Variants in APBA1 observed in about 807,000 individuals in gnomAD.
APBA1 encodes the protein amyloid-beta A4 precursor protein-binding family A member 1.
APBA1 carries 55 observed loss-of-function variants against 86.6 expected under a neutral mutation model. The observed-to-expected ratio is 0.64, with a 90% CI of 0.51 to 0.80. The LOEUF (loss-of-function observed/expected upper bound fraction) is 0.80, where lower values mean the gene tolerates loss of function less well. Ranked by LOEUF, APBA1 falls within the 30% of genes least tolerant of loss-of-function variation. APBA1 has a pLI of 0.00. For missense variants in APBA1, 1,090 were observed against 1,183.0 expected (o/e 0.92, Z 1.15); for synonymous variants, 511 against 493.9 (o/e 1.03, Z -0.46).
At chr9:69,454,200 T>A (rs1016636815) in intron 8 of APBA1, among the ~76,000 whole-genome samples, 10 of 152,222 alleles carry the variant, frequency 6.6e-5, no homozygotes, top group African/African-American at 2.4e-4. Context: ...ATACTTAACT[T>A]TTCTCACTGT....
chr9:69,570,995 C>T (rs1316791730), intron 1 of APBA1, among the ~76,000 whole-genome samples: 1 of 152,162 alleles, frequency 6.6e-6, no homozygotes, highest in African/African-American at 2.4e-5. Context: ...CAAAGTAATT[C>T]TCCCACTCTC....
intron 2 of APBA1, among the ~76,000 whole-genome samples, chr9:69,511,934 T>G (rs889489318): frequency 5.6e-4 from 73 of 130,164 alleles, no homozygotes; most frequent in East Asian, 3.0e-3. Context: ...GGGGTGGGGG[T>G]AGGGGGGAGG....
chr9:69,661,945 A>G (rs1823759782), intron 1 of APBA1, among the ~76,000 whole-genome samples: 1 of 151,926 alleles, frequency 6.6e-6, no homozygotes, highest in East Asian at 1.9e-4. Flanking sequence ...TGAGCCAAAT[A>G]AACTTCTTTT....
Position 69,456,392 on chromosome 9 carries a change from A to T in APBA1, c.1643T>A (p.Ile548Asn). Reference sequence around the variant, plus strand: ...CACAACGATGTTCCCAATGTCCGCAATGTAGGAAATGGTCCTCAGAGGGTG... The same window carrying T: ...CACAACGATGTTCCCAATGTCCGCATTGTAGGAAATGGTCCTCAGAGGGTG... ...MDHPLRTISY[I>N]ADIGNIVVLM... is the part of the protein sequence containing the mutation. Residue 548 changes from isoleucine to asparagine, a missense_variant, in exon 8 of 13, where the codon ATT becomes AAT. By Grantham distance (149) the Ile-to-Asn change is moderately radical. Transcript: ENST00000265381. 1.2e-6 allele frequency: 2 copies of T among 1,611,556 alleles called. No homozygotes were observed. Among genetic ancestry groups the T allele is most frequent in the Non-Finnish European group, 1.7e-6 (2 of 1,178,540 alleles).
chr9:69,516,145 C>G lies in APBA1; in HGVS notation c.1066G>C (p.Ala356Pro). Residue 356 changes from alanine to proline, a missense_variant, in exon 2 of 13, where the codon GCC (alanine) becomes CCC (proline). This residue lies in a region of APBA1 where 678 missense variants were observed against 647.1 expected (regional missense o/e 1.05). Coordinates refer to ENST00000265381, the MANE Select transcript of APBA1 (RefSeq NM_001163.4). This position sits in a 1 kb window ranked among gnomAD's most constrained non-coding sequence, Gnocchi z 7.3. ...ISLAIKDIKE[A>P]IEEVKTRTIR... ...GTCCTGGTTTTCACCTCCTCGATGG[C>G]CTCCTTGATGTCCTTGATGGCCAGC... The G allele has an allele frequency of 1.2e-6, 2 of 1,613,372 alleles. No homozygotes were observed. Among genetic ancestry groups the G allele is most frequent in the Non-Finnish European group, 1.7e-6 (2 of 1,179,664 alleles).
chr9:69,573,232 A>C (rs1178323492), intron 1 of APBA1, among the ~76,000 whole-genome samples: 1 of 152,062 alleles, frequency 6.6e-6, no homozygotes, highest in Non-Finnish European at 1.5e-5. Flanking sequence ...TTGTAACCCC[A>C]GCACTTTGGG....
chr9:69,660,850 A>G lies in APBA1; in HGVS notation c.-70+11303T>C, dbSNP rs564535409. ...AAAATGAGTGTGTGGGTGGGTGCAT[A>G]TTTTGAAAGGACAAGAGAGATGGAA... On this transcript the variant is annotated intron_variant, in intron 1 of 12. Transcript: ENST00000265381. Among the ~76,000 whole-genome samples, 198 of 152,210 alleles carry G rather than the reference A, an allele frequency of 1.3e-3. 1 individual carries two copies. Among genetic ancestry groups the G allele is most frequent in the African/African-American group, 4.6e-3 (193 of 41,532 alleles).
At chr9:69,470,023 G>A (rs983575219) in intron 4 of APBA1, among the ~76,000 whole-genome samples, 7 of 152,182 alleles carry the variant, frequency 4.6e-5, no homozygotes, top group Non-Finnish European at 7.3e-5. Flanking sequence ...TACAGTAAGT[G>A]TGGGTATGGG....
At chr9:69,661,550 C>A (rs1479849623) in intron 1 of APBA1, among the ~76,000 whole-genome samples, 3 of 152,160 alleles carry the variant, frequency 2.0e-5, no homozygotes, top group African/African-American at 4.8e-5. Context: ...TGCCACCCCA[C>A]AGGGCCAAGA....
intron 2 of APBA1, among the ~76,000 whole-genome samples, chr9:69,487,640 C>T (rs916055146): frequency 1.3e-5 from 2 of 151,852 alleles, no homozygotes; most frequent in Admixed American, 6.6e-5. Context: ...ATTGAGGGAA[C>T]GGGTTAGTTA....
chr9:69,623,344 A>G (rs961755080), intron 1 of APBA1, among the ~76,000 whole-genome samples: 3 of 148,064 alleles, frequency 2.0e-5, no homozygotes, highest in Non-Finnish European at 4.5e-5. Flanking sequence ...TCTCCTATAG[A>G]TTTTCTTTTT....
intron 1 of APBA1, among the ~76,000 whole-genome samples, chr9:69,628,046 C>T (rs922757973): frequency 6.6e-6 from 1 of 152,066 alleles, no homozygotes; most frequent in South Asian, 2.1e-4. Flanking sequence ...GGGAAGTCAC[C>T]CCCATAACTA....
At chr9:69,596,185 G>T (rs536698476) in intron 1 of APBA1, among the ~76,000 whole-genome samples, 2 of 152,144 alleles carry the variant, frequency 1.3e-5, no homozygotes, top group African/African-American at 4.8e-5. Context: ...GACAGTCTCG[G>T]TATGTTGCCC....
chr9:69,517,030 G>C lies in APBA1; in HGVS notation c.181C>G (p.Arg61Gly), dbSNP rs961067709. 6.3e-7 allele frequency: 1 copy of C among 1,579,448 alleles called. No individual in the cohort carries two copies. Among genetic ancestry groups the C allele is most frequent in the Non-Finnish European group, 8.6e-7 (1 of 1,169,458 alleles). ...TCTTCCTCCTGGCCGAGCTGGGCGCGGAGGTCCTCGAGGGCTCGCCCGCGC... is the reference window on the plus strand; with the variant it reads ...TCTTCCTCCTGGCCGAGCTGGGCGCCGAGGTCCTCGAGGGCTCGCCCGCGC... Reference protein sequence around the residue: ...HQRGRALEDLRAQLGQEEEER... With the variant: ...HQRGRALEDLGAQLGQEEEER... Residue 61 changes from arginine to glycine, a missense_variant, in exon 2 of 13, where the codon CGC becomes GGC. Arg to Gly is a moderately radical substitution (Grantham distance 125). This residue lies in a region of APBA1 where 678 missense variants were observed against 647.1 expected (regional missense o/e 1.05). Transcript: ENST00000265381.
At chr9:69,581,816 CTT>C (rs1314661968) in intron 1 of APBA1, among the ~76,000 whole-genome samples, 2 of 152,086 alleles carry the variant, frequency 1.3e-5, no homozygotes, top group African/African-American at 4.8e-5. Context: ...GTTTTAGTCT[CTT>C]TGAGGGTAAT....
intron 2 of APBA1, among the ~76,000 whole-genome samples, chr9:69,511,903 T>C (rs1384837529): frequency 1.4e-5 from 2 of 141,156 alleles, no homozygotes; most frequent in Non-Finnish European, 3.0e-5. Flanking sequence ...AAGGGGAATA[T>C]CACACTCTGG....
chr9:69,563,876 G>A (rs1315430116), intron 1 of APBA1, among the ~76,000 whole-genome samples: 1 of 152,108 alleles, frequency 6.6e-6, no homozygotes, highest in African/African-American at 2.4e-5. Context: ...CTGGGATAAA[G>A]TGTCAAGAAA....
At chr9:69,556,676 G>T (rs980588989) in intron 1 of APBA1, among the ~76,000 whole-genome samples, 1 of 152,178 alleles carries the variant, frequency 6.6e-6, no homozygotes, top group East Asian at 1.9e-4. Context: ...ACTGTGACAG[G>T]TTGTTTTATT....
chr9:69,617,647 C>T (rs575645972), intron 1 of APBA1, among the ~76,000 whole-genome samples: 5 of 152,158 alleles, frequency 3.3e-5, no homozygotes, highest in African/African-American at 7.2e-5. Flanking sequence ...GGAAAAAAAA[C>T]GGGAACTACA....
Sources: allele counts gnomAD v4.1 joint callset (sites outside exome capture counted in the v4.1 genomes callset), GRCh38; gene constraint gnomAD v4.1.1; regional missense constraint gnomAD v4.1.1; non-coding constraint Gnocchi (gnomAD v3.1); transcripts MANE v1.5; gene names NCBI Gene and HGNC (gene_info 2026-07-23, HGNC 2026-07-21).